YLPM1: variants seen among roughly 807,000 people sequenced by gnomAD.
YLPM1 encodes YLP motif containing 1.
YLPM1 carries 99 observed loss-of-function variants against 230.0 expected under a neutral mutation model. That is an observed-to-expected ratio of 0.43 (90% CI 0.37 to 0.51). YLPM1 has a LOEUF of 0.51. YLPM1 is among the 20% of genes least tolerant of loss of function. YLPM1 has a pLI of 0.00. For synonymous variants in YLPM1, 984 were observed against 942.5 expected, an observed-to-expected ratio of 1.04 and a Z score of -0.81; for missense variants, 2,592 against 2,707.7, an observed-to-expected ratio of 0.96 and a Z score of 0.95.
At chr14:74,815,783 T>C (rs2091473720) in intron 11 of YLPM1, among the ~76,000 whole-genome samples, 2 of 152,152 alleles carry the variant, frequency 1.3e-5, no homozygotes, top group Non-Finnish European at 2.9e-5. Flanking sequence ...CTATAGGCAT[T>C]TATAGCTATC....
At chr14:74,775,168 C>T (rs2091022170) in intron 1 of YLPM1, among the ~76,000 whole-genome samples, 2 of 152,024 alleles carry the variant, frequency 1.3e-5, no homozygotes, top group African/African-American at 4.8e-5. Context: ...TTATTCTTCC[C>T]AATAGATTGG....
In YLPM1 at chr14:74,835,308, A is replaced by G. The variant is rs2091635509; in HGVS notation, c.6338A>G (p.Lys2113Arg). 1 of 1,613,684 alleles carries G rather than the reference A, an allele frequency of 6.2e-7. No homozygotes were observed. The highest frequency in any genetic ancestry group is 8.5e-7 in the Non-Finnish European group (1 of 1,179,694). Residue 2113 changes from lysine to arginine, a missense_variant, in exon 20 of 21, where the codon AAA (lysine) becomes AGA (arginine). Transcript: ENST00000325680. ...GAAGAGAAGAAGGATGCAGATAGGA[A>G]AAGGGCCATAGGTTTTGTGGTCGGA... Reference protein sequence around the residue: ...DLEEKKDADRKRAIGFVVGQT... With the variant: ...DLEEKKDADRRRAIGFVVGQT...
At chr14:74,834,531 C>G (rs1171780145) in intron 19 of YLPM1, among the ~76,000 whole-genome samples, 1 of 152,034 alleles carries the variant, frequency 6.6e-6, no homozygotes. Context: ...GCAGACATAT[C>G]AAAATCCGGA....
intron 1 of YLPM1, among the ~76,000 whole-genome samples, chr14:74,773,762 C>T (rs1176392088): frequency 7.8e-6 from 1 of 128,814 alleles, no homozygotes; most frequent in African/African-American, 3.0e-5. Flanking sequence ...TCTCTGTTGC[C>T]CAGGCTGGAG....
chr14:74,809,444 C>G lies in YLPM1; in HGVS notation c.4586C>G (p.Ser1529Cys), dbSNP rs1345603239. 6.2e-7 allele frequency: 1 copy of G among 1,604,176 alleles called. No homozygotes were observed. The highest frequency in any genetic ancestry group is 1.3e-5 in the African/African-American group (1 of 74,920). ...GKPPGSIVRP[S>C]APPARSSVPV... ...CCACCAGGTTCAATTGTAAGACCCT[C>G]TGCTCCACCAGCAAGATCATCTGTT... The change falls in exon 7 of 21, where the codon TCT becomes TGT. Residue 1529 changes from serine to cysteine, a missense_variant. Transcript: ENST00000325680.
chr14:74,798,620 G>A lies in YLPM1; in HGVS notation c.3323G>A (p.Ser1108Asn). ...QGSQDRGAAG[S>N]RERGPPRRAG... is the part of the protein sequence containing the mutation. ...AGCCAGGACAGGGGTGCAGCTGGCA[G>A]CCGAGAAAGGGGACCACCTCGGAGG... The change falls in exon 5 of 21, where the codon AGC becomes AAC. Residue 1108 changes from serine (S) to asparagine (N), a missense_variant. By Grantham distance (46) the Ser-to-Asn change is conservative (BLOSUM62 1). Coordinates refer to ENST00000325680, the MANE Select transcript of YLPM1 (RefSeq NM_019589.3). The A allele has an allele frequency of 1.2e-6, 2 of 1,612,020 alleles. No homozygotes were observed. The highest frequency in any genetic ancestry group is 1.7e-6 in the Non-Finnish European group (2 of 1,178,720).
At position 74,781,375 on chromosome 14, in the gene YLPM1, G is replaced by A; in HGVS notation, c.1332G>A (p.Gln444=). ...TGCAGCTGCGGCATTATGAGATGCA[G>A]CAGCAACAGTTTCAACATCTTTACC... ...VDMQLRHYEM[Q]QQQFQHLYQE... is the part of the protein sequence containing the mutation. The change falls in exon 4 of 21, where the codon CAG becomes CAA. Residue 444 remains glutamine, a synonymous_variant. Coordinates refer to ENST00000325680, the MANE Select transcript of YLPM1 (RefSeq NM_019589.3). 1 of 1,583,772 alleles carries A rather than the reference G, an allele frequency of 6.3e-7. No homozygotes were observed. Among genetic ancestry groups the A allele is most frequent in the Non-Finnish European group, 8.6e-7 (1 of 1,163,848 alleles).
chr14:74,828,183 A>T (rs1363326260), intron 18 of YLPM1, among the ~76,000 whole-genome samples: 2 of 152,130 alleles, frequency 1.3e-5, no homozygotes, highest in African/African-American at 2.4e-5. Context: ...GTTCTCTCCA[A>T]CGTGGTGTCT....
intron 2 of YLPM1, among the ~76,000 whole-genome samples, chr14:74,779,531 A>G (rs2091072832): frequency 1.3e-5 from 2 of 152,170 alleles, no homozygotes; most frequent in Admixed American, 1.3e-4. Context: ...AGAGCCTTAT[A>G]TGAAGGGTTT....
intron 19 of YLPM1, chr14:74,835,049 C>G: frequency 5.7e-6 from 3 of 528,892 alleles, no homozygotes; most frequent in Non-Finnish European, 9.8e-6. Context: ...CTGAACTGTT[C>G]AGGAGCTGGA....
intron 6 of YLPM1, among the ~76,000 whole-genome samples, chr14:74,807,254 A>G (rs561014235): frequency 6.6e-6 from 1 of 152,322 alleles, no homozygotes; most frequent in South Asian, 2.1e-4. Flanking sequence ...AATAGCGTCA[A>G]TAAAGAAAAA....
At chr14:74,802,697 A>G in intron 6 of YLPM1, 21 bp downstream of exon 6, 1 of 1,576,178 alleles carries the variant, frequency 6.3e-7, no homozygotes, top group South Asian at 1.2e-5. Context: ...ATGTGTGCTC[A>G]GAAAATGAAA....
chr14:74,809,516 C>T lies in YLPM1; in HGVS notation c.4658C>T (p.Pro1553Leu). 6.3e-7 allele frequency: 1 copy of T among 1,587,238 alleles called. No individual in the cohort carries two copies. The highest frequency in any genetic ancestry group is 8.6e-7 in the Non-Finnish European group (1 of 1,166,112). ...PVPIPPPPPP[P>L]PLPPPPPVIK... Reference sequence around the variant, plus strand: ...CCAATACCACCACCTCCACCTCCTCCACCTCTACCTCCTCCTCCTCCAGTG... The same window carrying T: ...CCAATACCACCACCTCCACCTCCTCTACCTCTACCTCCTCCTCCTCCAGTG... The change falls in exon 7 of 21, where the codon CCA (proline) becomes CTA (leucine). Residue 1553 changes from proline (P) to leucine (L), a missense_variant. Around this residue, in one of 4 missense-constraint regions of YLPM1, gnomAD observed 403 missense variants for 426.7 expected, o/e 0.94. Coordinates refer to ENST00000325680, the MANE Select transcript of YLPM1 (RefSeq NM_019589.3).
intron 12 of YLPM1, 126 bp downstream of exon 12, chr14:74,816,391 GC>G: frequency 7.8e-7 from 1 of 1,277,812 alleles, no homozygotes; most frequent in South Asian, 1.4e-5. Flanking sequence ...ATTACAGTTG[GC>G]CCATGTGGTA....
chr14:74,829,090 A>G, intron 18 of YLPM1, 123 bp from the exon 19 acceptor site: 5 of 1,107,846 alleles, frequency 4.5e-6, no homozygotes, highest in Non-Finnish European at 6.4e-6. Context: ...TCTGCAAGTG[A>G]TGCTGCACTC....
intron 4 of YLPM1, among the ~76,000 whole-genome samples, chr14:74,785,031 T>C (rs2091133509): frequency 2.6e-5 from 4 of 152,194 alleles, no homozygotes. Flanking sequence ...TTTTTGTTTG[T>C]TTTTTTCAGC....
chr14:74,827,963 T>C, intron 18 of YLPM1: 2 of 983,240 alleles, frequency 2.0e-6, no homozygotes, highest in Non-Finnish European at 1.2e-6. Context: ...ATTAAAATTT[T>C]TGTGAGTTTT....
chr14:74,778,650 A>G lies in YLPM1; in HGVS notation c.1077A>G (p.Glu359=), dbSNP rs756376579. The change falls in exon 2 of 21, where the codon GAA becomes GAG. Residue 359 remains glutamate (E), a synonymous_variant. Coordinates refer to ENST00000325680, the MANE Select transcript of YLPM1 (RefSeq NM_019589.3). ...EEPPLPPPNE[E]VPPPLPPEEP... ...CCCCATTGCCACCTCCAAATGAGGA[A>G]GTGCCACCTCCTCTCCCACCTGAGG... The G allele has an allele frequency of 6.3e-7, 1 of 1,582,046 alleles. No homozygotes were observed. The highest frequency in any genetic ancestry group is 1.2e-5 in the South Asian group (1 of 86,010).
At chr14:74,823,731 T>C (rs960173085) in intron 17 of YLPM1, among the ~76,000 whole-genome samples, 1 of 152,118 alleles carries the variant, frequency 6.6e-6, no homozygotes, top group African/African-American at 2.4e-5. Context: ...AACTTCCTAA[T>C]CGGGTAATTG....
Sources: gnomAD v4.1 joint callset for allele counts (sites outside exome capture counted in the v4.1 genomes callset) on GRCh38, gnomAD v4.1.1 for gene constraint, gnomAD v4.1.1 regional missense constraint, MANE v1.5 for transcripts, NCBI Gene and HGNC (gene_info 2026-07-23, HGNC 2026-07-21) for gene names.